The following NUDC variants were observed in gnomAD, a reference collection of about 807,000 sequenced individuals.
The protein encoded by NUDC is nuclear migration protein nudC.
A neutral mutation model predicts 45.0 loss-of-function variants in NUDC; 14 were observed. That is an observed-to-expected ratio of 0.31 (90% CI 0.21 to 0.49). The LOEUF is 0.49. NUDC is among the 20% of genes least tolerant of loss of function. The pLI, the probability that NUDC is intolerant of heterozygous loss-of-function variation, is 0.99. For missense variants in NUDC, 323 were observed against 426.2 expected (o/e 0.76, Z 2.13); for synonymous variants, 153 against 156.7 (o/e 0.98, Z 0.17).
At chr1:26,913,944 T>A in intron 3 of NUDC, 2 of 1,469,844 alleles carry the variant, frequency 1.4e-6, no homozygotes, top group Non-Finnish European at 1.8e-6. Context: ...TGCTCATGGT[T>A]AGGGATCTGC....
At chr1:26,919,436 C>T (rs1261630875), upstream of NUDC, among the ~76,000 whole-genome samples, 5 of 152,190 alleles carry the variant, frequency 3.3e-5, no homozygotes, top group Non-Finnish European at 5.9e-5. Context: ...GTTGGGATTA[C>T]AGGCATGAGC....
intron 2 of NUDC, among the ~76,000 whole-genome samples, chr1:26,936,134 A>AAT (rs1215586103): frequency 0.029 from 195 of 6,804 alleles, 14 homozygotes; most frequent in Non-Finnish European, 0.037. Context: ...ACGCCCGGCT[A>AAT]ATATATATAT....
intron 3 of NUDC, among the ~76,000 whole-genome samples, chr1:26,912,407 G>A (rs557917306): frequency 3.6e-4 from 54 of 152,088 alleles, no homozygotes; most frequent in Non-Finnish European, 5.1e-4. Context: ...TTCTTTATCT[G>A]TAAAACGGGA....
chr1:26,925,176 C>T (rs1349714214), intron 2 of NUDC, among the ~76,000 whole-genome samples: 8 of 151,600 alleles, frequency 5.3e-5, no homozygotes, highest in Non-Finnish European at 8.8e-5. Flanking sequence ...CCACTGCACC[C>T]GGCCTGAGGA....
At position 26,921,794 on chromosome 1, in the gene NUDC, T is replaced by C. The variant is rs936538201; in HGVS notation, c.-55T>C. 40 of 1,514,324 alleles carry C rather than the reference T, an allele frequency of 2.6e-5. No homozygotes were observed. Among genetic ancestry groups the C allele is most frequent in the Non-Finnish European group, 3.5e-5 (39 of 1,115,930 alleles). 93.8% of individuals were successfully genotyped at this position (1,514,324 alleles called of 1,614,324 possible). On this transcript the variant is annotated 5_prime_UTR_variant, in exon 1 of 9. Transcript: ENST00000321265. ...GGGCCCGGCGCGACCCGCAGGAGCG[T>C]AGAGAGCGCGGGACTAGAGTGCAGA... is the stretch of plus-strand genomic sequence containing the variant.
chr1:26,904,408 G>T (rs1344489357), intron 2 of NUDC, among the ~76,000 whole-genome samples: 1 of 151,838 alleles, frequency 6.6e-6, no homozygotes, highest in South Asian at 2.1e-4. Flanking sequence ...GGCCTCAAGT[G>T]ATCCACCCAA....
chr1:26,912,159 G>A (rs1375470365), intron 3 of NUDC: 2 of 1,582,066 alleles, frequency 1.3e-6, no homozygotes, highest in East Asian at 2.3e-5. Context: ...ACTGGCCCAA[G>A]ATCTGGGCCA....
intron 2 of NUDC, among the ~76,000 whole-genome samples, chr1:26,927,201 TCAGG>T (rs2082139910): frequency 6.9e-6 from 1 of 143,916 alleles, no homozygotes; most frequent in Non-Finnish European, 1.5e-5. Flanking sequence ...TGTGTGTGTG[TCAGG>T]GTCTTGCTCT....
Position 26,909,863 on chromosome 1 carries a change from G to T in NUDC, c.-15-1265G>T, listed in dbSNP as rs542991930. On this transcript the variant is annotated intron_variant, in intron 2 of 6. Coordinates refer to the NUDC transcript ENST00000435827. The stretch of plus-strand genomic sequence containing the variant: ...GGGCTTGTTCTGGGCCCTGAAGGAT[G>T]CCTTTATTGGGGATTTGATTAGGTC... 1.3e-4 allele frequency among the ~76,000 whole-genome samples: 20 copies of T among 152,148 alleles called. No individual in the cohort carries two copies. In the South Asian group the frequency reaches 4.2e-3, roughly 32 times the overall value.
intron 2 of NUDC, among the ~76,000 whole-genome samples, chr1:26,927,361 GC>G (rs145795722): frequency 0.017 from 2,331 of 138,006 alleles, 98 homozygotes; most frequent in African/African-American, 0.062. Context: ...AGCCGCCTTA[GC>G]CTCCCAAAGT....
At chr1:26,904,247 A>C (rs2081993416) in intron 2 of NUDC, among the ~76,000 whole-genome samples, 1 of 148,154 alleles carries the variant, frequency 6.7e-6, no homozygotes, top group Non-Finnish European at 1.5e-5. Context: ...GGCTCACTGC[A>C]ACCTCTGCCT....
At chr1:26,943,396 G>A (rs1338658260) in intron 6 of NUDC, among the ~76,000 whole-genome samples, 1 of 150,822 alleles carries the variant, frequency 6.6e-6, no homozygotes, top group Non-Finnish European at 1.5e-5. Context: ...AAATTTTTTT[G>A]TAGAGACCGG....
In NUDC at chr1:26,921,806, G is replaced by C. The variant is rs2082093256; in HGVS notation, c.-43G>C. On this transcript the variant is annotated 5_prime_UTR_variant, in exon 1 of 9. Coordinates refer to ENST00000321265, the MANE Select transcript of NUDC (RefSeq NM_006600.4). ...ACCCGCAGGAGCGTAGAGAGCGCGGGACTAGAGTGCAGAGCTCCGGGACGT... is the reference window on the plus strand; with the variant it reads ...ACCCGCAGGAGCGTAGAGAGCGCGGCACTAGAGTGCAGAGCTCCGGGACGT... 6.5e-7 allele frequency: 1 copy of C among 1,540,626 alleles called. No individual in the cohort carries two copies. Among genetic ancestry groups the C allele is most frequent in the Non-Finnish European group, 8.8e-7 (1 of 1,139,076 alleles).
chr1:26,917,304 G>A (rs1008044210), upstream of NUDC, among the ~76,000 whole-genome samples: 6 of 150,576 alleles, frequency 4.0e-5, no homozygotes, highest in African/African-American at 7.3e-5. Flanking sequence ...GTTCACACCT[G>A]TAATCCCAGC....
At chr1:26,911,208 G>A (rs1227623453) in exon 3 of NUDC, 4 of 468,084 alleles carry the variant, frequency 8.5e-6, no homozygotes, top group Admixed American at 7.1e-5. Flanking sequence ...GCTGCTTCCT[G>A]ATTGGCTGTG....
chr1:26,943,940 C>T (rs11799769), intron 6 of NUDC, among the ~76,000 whole-genome samples: 4,217 of 152,208 alleles, frequency 0.028, 187 homozygotes, highest in African/African-American at 0.095. Context: ...TGCAGTGGCG[C>T]GATCTCGGCT....
chr1:26,932,195 G>C (rs1455932282), intron 2 of NUDC, among the ~76,000 whole-genome samples: 1 of 141,380 alleles, frequency 7.1e-6, no homozygotes, highest in South Asian at 2.2e-4. Context: ...TTTTTTTTTT[G>C]AGACAGAGTA....
intron 2 of NUDC, among the ~76,000 whole-genome samples, chr1:26,905,331 T>G (rs1264901207): frequency 6.6e-6 from 1 of 151,394 alleles, no homozygotes; most frequent in African/African-American, 2.4e-5. Context: ...TGGCTAATTT[T>G]TGTATTTTTA....
At chr1:26,900,370 G>C in exon 1 of NUDC, 2 of 1,613,972 alleles carry the variant, frequency 1.2e-6, no homozygotes, top group South Asian at 1.1e-5. Context: ...TGGGCCGAGC[G>C]CAACACGGAG....
Sources: allele counts gnomAD v4.1 joint callset (sites outside exome capture counted in the v4.1 genomes callset), GRCh38; gene constraint gnomAD v4.1.1; transcripts MANE v1.5; gene names NCBI Gene and HGNC (gene_info 2026-07-23, HGNC 2026-07-21).